Variants in DCC observed in about 807,000 individuals in gnomAD.
DCC encodes DCC netrin 1 receptor.
In DCC, 58 loss-of-function variants were observed where a neutral mutation model predicts 172.5. The observed-to-expected ratio is 0.34, with a 90% CI of 0.27 to 0.42. The LOEUF is 0.42. Ranked by LOEUF, DCC falls within the 10% of genes least tolerant of loss-of-function variation. The probability of loss-of-function intolerance (pLI) is 1.00; values close to 1 mark genes in which losing one functional copy is unlikely to be tolerated. For missense variants in DCC, 1,740 were observed against 1,791.0 expected, an observed-to-expected ratio of 0.97 and a Z score of 0.51; for synonymous variants, 709 against 644.5, an observed-to-expected ratio of 1.10 and a Z score of -1.52.
At chr18:53,053,554 C>T (rs541106465) in intron 5 of DCC, among the ~76,000 whole-genome samples, 1 of 152,220 alleles carries the variant, frequency 6.6e-6, no homozygotes, top group Non-Finnish European at 1.5e-5. Flanking sequence ...AACAAATTTT[C>T]TATTATGTTT....
intron 26 of DCC, among the ~76,000 whole-genome samples, chr18:53,488,249 C>T (rs961729120): frequency 2.6e-5 from 4 of 152,130 alleles, no homozygotes; most frequent in African/African-American, 9.7e-5. Flanking sequence ...GTGGCGCATG[C>T]CTATAGTCCC....
chr18:52,783,198 G>A (rs1208173609), intron 2 of DCC, among the ~76,000 whole-genome samples: 1 of 151,876 alleles, frequency 6.6e-6, no homozygotes, highest in Non-Finnish European at 1.5e-5. Flanking sequence ...ATTAGAATGA[G>A]TTGGACATTC....
At chr18:53,427,536 G>C (rs545143313) in intron 21 of DCC, among the ~76,000 whole-genome samples, 2 of 151,128 alleles carry the variant, frequency 1.3e-5, no homozygotes, top group Non-Finnish European at 3.0e-5. Context: ...ATCAGGAGCA[G>C]CTGACAAGTT....
intron 2 of DCC, among the ~76,000 whole-genome samples, chr18:52,863,503 A>C (rs903777585): frequency 2.0e-5 from 3 of 151,760 alleles, no homozygotes; most frequent in African/African-American, 7.2e-5. Context: ...GAAAAAAGCC[A>C]AAAGCATATG....
chr18:52,406,009 A>G (rs1205849746), intron 1 of DCC, among the ~76,000 whole-genome samples: 1 of 149,554 alleles, frequency 6.7e-6, no homozygotes, highest in African/African-American at 2.5e-5. Flanking sequence ...GCCCTCAGAA[A>G]TAACGCCGCA....
At chr18:53,379,056 AC>A (rs1351110946) in intron 15 of DCC, among the ~76,000 whole-genome samples, 1 of 152,178 alleles carries the variant, frequency 6.6e-6, no homozygotes, top group African/African-American at 2.4e-5. Flanking sequence ...TTGTCTCTCC[AC>A]CCACTACATT....
chr18:53,105,212 C>T (rs984877268), intron 7 of DCC, among the ~76,000 whole-genome samples: 1 of 151,974 alleles, frequency 6.6e-6, no homozygotes, highest in Admixed American at 6.6e-5. Context: ...TTTCTTGACA[C>T]AGAATTTCCT....
intron 21 of DCC, among the ~76,000 whole-genome samples, chr18:53,432,313 T>G (rs564526332): frequency 6.6e-6 from 1 of 152,292 alleles, no homozygotes; most frequent in East Asian, 1.9e-4. Flanking sequence ...CAACTCTCCC[T>G]GTCATGGCAG....
At chr18:52,601,120 G>C (rs572988798) in intron 1 of DCC, among the ~76,000 whole-genome samples, 3 of 152,130 alleles carry the variant, frequency 2.0e-5, no homozygotes, top group African/African-American at 7.2e-5. Flanking sequence ...CTAAGTTGCT[G>C]TTTTCTAAGG....
chr18:52,424,575 T>C (rs571770051), intron 1 of DCC, among the ~76,000 whole-genome samples: 2 of 152,160 alleles, frequency 1.3e-5, no homozygotes, highest in Admixed American at 6.6e-5. Context: ...TTGAGCCACA[T>C]AGAGCGATGT....
intron 3 of DCC, among the ~76,000 whole-genome samples, chr18:52,912,748 A>G (rs755833210): frequency 3.9e-5 from 6 of 152,122 alleles, no homozygotes; most frequent in Middle Eastern, 3.4e-3. Context: ...TGTTAAGAGA[A>G]AAGGGTGGAC....
chr18:52,783,323 CTTTTTTTTTTTTTTTTTTTTTTTTTTT>C (rs374129823), intron 2 of DCC, among the ~76,000 whole-genome samples: 12 of 59,260 alleles, frequency 2.0e-4, no homozygotes, highest in Middle Eastern at 9.1e-3. Context: ...TACTACTACT[CTTTTTTTTTTTTTTTTTTTTTTTTTTT>C]TTTTTTTTTT....
chr18:52,699,344 A>G lies in DCC; in HGVS notation c.92-52710A>G, dbSNP rs146638504. On this transcript the variant is annotated intron_variant, in intron 1 of 28. Coordinates refer to ENST00000442544, the MANE Select transcript of DCC (RefSeq NM_005215.4). ...AGGGGTGGTCTCATGCTAGGAGCTC[A>G]TGTGGGTTTGTCCTGTAATTTTCTC... Among the ~76,000 whole-genome samples the G allele has an allele frequency of 1.4e-4, 21 of 152,246 alleles. No homozygotes were observed. The East Asian group carries it at 3.9e-3, about 28-fold the overall frequency.
rs575552262 is a variant in DCC at position 52,385,497 on chromosome 18, G to A, written c.91+44619G>A. On this transcript the variant is annotated intron_variant, in intron 1 of 28. Transcript: ENST00000442544. ...TGGGATTGCAGGCGTGAGCTACTGT[G>A]CCTGGCCTGAAATTACACACTTTTA... is the stretch of plus-strand genomic sequence containing the variant. Among the ~76,000 whole-genome samples the A allele has an allele frequency of 7.9e-5, 12 of 152,142 alleles. 1 individual carries two copies. Among genetic ancestry groups the A allele is most frequent in the Admixed American group, 2.6e-4 (4 of 15,290 alleles).
At chr18:53,349,684 A>T (rs2057766091) in intron 15 of DCC, among the ~76,000 whole-genome samples, 1 of 152,230 alleles carries the variant, frequency 6.6e-6, no homozygotes, top group African/African-American at 2.4e-5. Flanking sequence ...CATGACTGGC[A>T]GCAGGCCAAA....
At chr18:53,123,900 A>G (rs983323210) in intron 7 of DCC, among the ~76,000 whole-genome samples, 7 of 151,910 alleles carry the variant, frequency 4.6e-5, no homozygotes, top group Admixed American at 2.6e-4. Context: ...CATTTTTCTC[A>G]TTGCTTTCTT....
intron 5 of DCC, among the ~76,000 whole-genome samples, chr18:52,987,573 A>G (rs534784558): frequency 1.7e-4 from 26 of 152,292 alleles, no homozygotes; most frequent in African/African-American, 6.0e-4. Flanking sequence ...TATATAGGTT[A>G]TCTCATTATA....
At chr18:53,259,742 A>G (rs1048660818) in intron 12 of DCC, among the ~76,000 whole-genome samples, 4 of 152,050 alleles carry the variant, frequency 2.6e-5, no homozygotes, top group African/African-American at 9.7e-5. Flanking sequence ...TATTTCATGA[A>G]TTTGAATATT....
rs192913178 is a variant in DCC, at chr18:52,798,204, C to T, written c.412+45830C>T. On this transcript the variant is annotated intron_variant, in intron 2 of 28. Coordinates refer to ENST00000442544, the MANE Select transcript of DCC (RefSeq NM_005215.4). ...AATGTGTATGGCAAGGCAAGCTTTG[C>T]AATACATAATTTTTAAGTGACTTAA... 2.0e-5 allele frequency among the ~76,000 whole-genome samples: 3 copies of T among 152,084 alleles called. No homozygotes were observed. In the South Asian group the frequency reaches 6.2e-4, roughly 32 times the overall value.
Sources: gnomAD v4.1 joint callset for allele counts (sites outside exome capture counted in the v4.1 genomes callset) on GRCh38, gnomAD v4.1.1 for gene constraint, MANE v1.5 for transcripts, NCBI Gene and HGNC (gene_info 2026-07-23, HGNC 2026-07-21) for gene names.